HELLS: variants seen among roughly 807,000 people sequenced by gnomAD.
HELLS encodes helicase, lymphoid specific.
In HELLS, 32 loss-of-function variants were observed where a neutral mutation model predicts 120.0. That is an observed-to-expected ratio of 0.27 (90% CI 0.20 to 0.36). The LOEUF (loss-of-function observed/expected upper bound fraction) is 0.36, where lower values mean the gene tolerates loss of function less well. HELLS is among the 10% of genes least tolerant of loss of function. The pLI is 1.00. For synonymous variants in HELLS, 341 were observed against 323.4 expected (o/e 1.05, Z -0.58); for missense variants, 650 against 993.4 (o/e 0.65, Z 4.65).
intron 12 of HELLS, among the ~76,000 whole-genome samples, chr10:94,584,414 G>T (rs1845021068): frequency 6.6e-6 from 1 of 151,886 alleles, no homozygotes; most frequent in Non-Finnish European, 1.5e-5. Context: ...CTGTGACTCT[G>T]GGCAATGACA....
chr10:94,566,386 T>C (rs1310722290), intron 6 of HELLS, among the ~76,000 whole-genome samples: 4 of 152,118 alleles, frequency 2.6e-5, no homozygotes, highest in Non-Finnish European at 4.4e-5. Context: ...AATAATAGCA[T>C]TGAACAAATA....
downstream of HELLS, among the ~76,000 whole-genome samples, chr10:94,605,739 C>A (rs533168958): frequency 7.0e-4 from 106 of 151,260 alleles, no homozygotes; most frequent in Non-Finnish European, 1.2e-3. Context: ...TCAAGTGATC[C>A]TCCTGCCTCA....
downstream of HELLS, among the ~76,000 whole-genome samples, chr10:94,603,777 A>C (rs1331136533): frequency 6.6e-6 from 1 of 152,010 alleles, no homozygotes; most frequent in Non-Finnish European, 1.5e-5. Flanking sequence ...TCCTTCCCTC[A>C]TATTTCATGT....
At chr10:94,605,643 CTTTT>C (rs1206815493), downstream of HELLS, among the ~76,000 whole-genome samples, 4 of 125,066 alleles carry the variant, frequency 3.2e-5, no homozygotes, top group Admixed American at 1.6e-4. Flanking sequence ...TTAATGGTTC[CTTTT>C]TTTTTTTTTT....
At chr10:94,560,237 G>T (rs1330348413) in intron 4 of HELLS, among the ~76,000 whole-genome samples, 1 of 152,084 alleles carries the variant, frequency 6.6e-6, no homozygotes, top group Non-Finnish European at 1.5e-5. Context: ...TCACCATCTT[G>T]GCCAGGCTGG....
chr10:94,562,948 C>A, intron 6 of HELLS, 72 bp downstream of exon 6: 1 of 854,842 alleles, frequency 1.2e-6, no homozygotes. Context: ...CACCTTAAAT[C>A]TGTAAAGATT....
Position 94,588,237 on chromosome 10 carries a change from A to C in HELLS, c.1335A>C (p.Thr445=), listed in dbSNP as rs1282750565. The change falls in exon 13 of 22, where the codon ACA becomes ACC. Residue 445 remains threonine, a synonymous_variant. Coordinates refer to ENST00000348459, the MANE Select transcript of HELLS (RefSeq NM_018063.5). ...TCATGTTTTAATTTTAGATTTTAAC[A>C]CCTTTCTTATTGAGAAGACTGAAGT... ...NVLHMLHQIL[T]PFLLRRLKSD... The C allele has an allele frequency of 3.1e-6, 5 of 1,588,202 alleles. No individual in the cohort carries two copies. Among genetic ancestry groups the C allele is most frequent in the Middle Eastern group, 1.7e-4 (1 of 5,982 alleles).
At chr10:94,557,465 T>A (rs1194856896) in intron 3 of HELLS, among the ~76,000 whole-genome samples, 1 of 152,214 alleles carries the variant, frequency 6.6e-6, no homozygotes. Flanking sequence ...ATGTCTAGAA[T>A]AGCTTTTAGT....
intron 6 of HELLS, among the ~76,000 whole-genome samples, chr10:94,566,833 T>A (rs1843823569): frequency 1.3e-5 from 2 of 151,964 alleles, no homozygotes; most frequent in South Asian, 4.1e-4. Context: ...TTTGTATTTT[T>A]TCATAGAGAG....
At chr10:94,599,458 A>G (rs1049960816) in intron 21 of HELLS, among the ~76,000 whole-genome samples, 4 of 152,120 alleles carry the variant, frequency 2.6e-5, no homozygotes, top group African/African-American at 7.2e-5. Context: ...GGCTCAATCA[A>G]TCCCCACACC....
chr10:94,581,798 T>A (rs1215530414), intron 11 of HELLS, among the ~76,000 whole-genome samples: 1 of 152,196 alleles, frequency 6.6e-6, no homozygotes, highest in African/African-American at 2.4e-5. Flanking sequence ...TGTAAAACAT[T>A]TTAAGATGGA....
intron 10 of HELLS, among the ~76,000 whole-genome samples, chr10:94,580,181 A>ACC (rs1844792191): frequency 9.7e-6 from 1 of 102,906 alleles, no homozygotes; most frequent in African/African-American, 3.9e-5. Context: ...ACACACACAC[A>ACC]CACATTTTTT....
In HELLS at chr10:94,562,770, T is replaced by G. The variant is rs1315124204; in HGVS notation, c.371-42T>G. ...AGTTTTGAAGAATATGCGTTTATAT[T>G]TCTATTTTAATTGCTATCAAAAATA... On this transcript the variant is annotated intron_variant, in intron 5 of 21. Coordinates refer to ENST00000348459, the MANE Select transcript of HELLS (RefSeq NM_018063.5). 3 of 1,547,868 alleles carry G rather than the reference T, an allele frequency of 1.9e-6. No homozygotes were observed. The South Asian group carries it at 3.6e-5, about 18-fold the overall frequency.
At chr10:94,556,161 A>G (rs758472082) in intron 3 of HELLS, among the ~76,000 whole-genome samples, 2 of 152,176 alleles carry the variant, frequency 1.3e-5, no homozygotes, top group Non-Finnish European at 2.9e-5. Flanking sequence ...CACCCCGTAG[A>G]TAGTGTCAGA....
At chr10:94,553,770 A>G (rs779966197) in intron 2 of HELLS, among the ~76,000 whole-genome samples, 18 of 151,216 alleles carry the variant, frequency 1.2e-4, no homozygotes, top group Non-Finnish European at 2.4e-4. Context: ...CTGGTCTCGA[A>G]CCCCCGACCT....
chr10:94,578,538 A>G (rs143594710), intron 10 of HELLS, among the ~76,000 whole-genome samples: 1,816 of 152,172 alleles, frequency 0.012, 55 homozygotes, highest in African/African-American at 0.042. Flanking sequence ...GTGAAACCAC[A>G]TCTCTACAAA....
intron 2 of HELLS, among the ~76,000 whole-genome samples, chr10:94,553,637 C>T (rs1228705323): frequency 1.4e-5 from 2 of 144,812 alleles, no homozygotes; most frequent in South Asian, 2.2e-4. Context: ...GCCTCTGCCT[C>T]CCCCGGGTTC....
intron 3 of HELLS, among the ~76,000 whole-genome samples, chr10:94,557,627 T>C (rs1843333563): frequency 6.6e-6 from 1 of 152,196 alleles, no homozygotes; most frequent in Non-Finnish European, 1.5e-5. Flanking sequence ...TTCTGGTGAC[T>C]CTTCTCCTGG....
At chr10:94,590,187 C>T (rs1434117621) in intron 13 of HELLS, among the ~76,000 whole-genome samples, 1 of 152,132 alleles carries the variant, frequency 6.6e-6, no homozygotes, top group Non-Finnish European at 1.5e-5. Context: ...TGTGTAAGTT[C>T]AAAGTAGTTT....
Sources: gnomAD v4.1 joint callset for allele counts (sites outside exome capture counted in the v4.1 genomes callset) on GRCh38, gnomAD v4.1.1 for gene constraint, MANE v1.5 for transcripts, NCBI Gene and HGNC (gene_info 2026-07-23, HGNC 2026-07-21) for gene names.